Variants in PTPRD observed in about 807,000 individuals in gnomAD.
The protein encoded by PTPRD is protein tyrosine phosphatase receptor type D.
PTPRD carries 34 observed loss-of-function variants against 214.5 expected under a neutral mutation model. The ratio of observed to expected loss-of-function variants is 0.16; its 90% confidence interval spans 0.12 to 0.21. PTPRD has a LOEUF of 0.21. Among genes scored for constraint, PTPRD ranks in the 10% least tolerant of loss-of-function variants. The pLI, the probability that PTPRD is intolerant of heterozygous loss-of-function variation, is 1.00. For missense variants in PTPRD, 2,545 were observed against 2,398.7 expected, an observed-to-expected ratio of 1.06 and a Z score of -1.27; for synonymous variants, 1,128 against 845.7, an observed-to-expected ratio of 1.33 and a Z score of -5.79.
At chr9:9,518,367 T>C (rs866498876) in intron 8 of PTPRD, among the ~76,000 whole-genome samples, 1 of 152,034 alleles carries the variant, frequency 6.6e-6, no homozygotes, top group Non-Finnish European at 1.5e-5. Flanking sequence ...CTAGTGAAAA[T>C]ATAGTAGCAT....
At chr9:10,018,704 C>G (rs559389771) in intron 4 of PTPRD, among the ~76,000 whole-genome samples, 2 of 149,944 alleles carry the variant, frequency 1.3e-5, no homozygotes, top group Non-Finnish European at 3.0e-5. Context: ...CCCGCCACTA[C>G]GCCCGGCTAA....
chr9:8,486,546 T>C, intron 27 of PTPRD, 197 bp from the exon 28 acceptor site: 1 of 703,206 alleles, frequency 1.4e-6, no homozygotes, highest in Non-Finnish European at 2.6e-6. Context: ...TAGGCTGAGA[T>C]ACTAGAATTT....
chr9:9,843,436 T>C (rs1375627022), intron 5 of PTPRD, among the ~76,000 whole-genome samples: 1 of 152,012 alleles, frequency 6.6e-6, no homozygotes, highest in East Asian at 1.9e-4. Context: ...GTTAATGACC[T>C]TGGCCAAGTT....
At chr9:10,293,078 C>G (rs2095574792) in intron 3 of PTPRD, among the ~76,000 whole-genome samples, 1 of 151,840 alleles carries the variant, frequency 6.6e-6, no homozygotes, top group Non-Finnish European at 1.5e-5. Context: ...TTATTGATGT[C>G]ACTTTAAATA....
At chr9:9,441,925 C>T (rs1229136174) in intron 8 of PTPRD, 1 of 152,212 alleles carries the variant, frequency 6.6e-6, no homozygotes, top group African/African-American at 2.4e-5. Context: ...TTCTCCTTTG[C>T]TTGGGATTCT....
intron 3 of PTPRD, among the ~76,000 whole-genome samples, chr9:10,204,470 G>A (rs1445465192): frequency 6.6e-6 from 1 of 152,102 alleles, no homozygotes. Flanking sequence ...TGTTTCCAGT[G>A]AATGGAATTT....
chr9:9,589,367 G>T (rs1417010515), intron 7 of PTPRD, among the ~76,000 whole-genome samples: 1 of 151,368 alleles, frequency 6.6e-6, no homozygotes, highest in African/African-American at 2.4e-5. Flanking sequence ...CCTTTTAAAA[G>T]GTTCTTGTTA....
At chr9:9,016,231 G>C (rs1210021751) in intron 11 of PTPRD, among the ~76,000 whole-genome samples, 1 of 152,084 alleles carries the variant, frequency 6.6e-6, no homozygotes, top group East Asian at 1.9e-4. Context: ...CTCCACACCA[G>C]TGTGGATAAA....
intron 11 of PTPRD, among the ~76,000 whole-genome samples, chr9:8,807,867 T>G (rs1034758492): frequency 5.3e-5 from 8 of 152,176 alleles, no homozygotes; most frequent in Non-Finnish European, 1.2e-4. Context: ...AACAGTGGTA[T>G]GTATGGCGAG....
At chr9:8,544,797 G>A (rs1014251789) in intron 14 of PTPRD, among the ~76,000 whole-genome samples, 7 of 151,542 alleles carry the variant, frequency 4.6e-5, no homozygotes, top group South Asian at 2.1e-4. Context: ...GTAAAACAGC[G>A]GTTGCTTTTG....
chr9:9,500,005 G>T (rs564141827), intron 8 of PTPRD, among the ~76,000 whole-genome samples: 38 of 152,188 alleles, frequency 2.5e-4, no homozygotes, highest in Non-Finnish European at 4.9e-4. Flanking sequence ...GCTGCCCCTT[G>T]AATATTAATT....
intron 3 of PTPRD, among the ~76,000 whole-genome samples, chr9:10,149,992 G>C (rs1226846101): frequency 6.6e-6 from 1 of 151,976 alleles, no homozygotes; most frequent in East Asian, 1.9e-4. Flanking sequence ...GCCTCCCAAA[G>C]TGCTGGGATT....
intron 2 of PTPRD, among the ~76,000 whole-genome samples, chr9:10,530,690 G>A (rs768398116): frequency 1.3e-5 from 2 of 152,014 alleles, no homozygotes; most frequent in Non-Finnish European, 2.9e-5. Context: ...CAGATTAAAA[G>A]AACTCTCACA....
chr9:10,124,070 G>C (rs1331059390), intron 3 of PTPRD, among the ~76,000 whole-genome samples: 1 of 152,144 alleles, frequency 6.6e-6, no homozygotes, highest in Non-Finnish European at 1.5e-5. Flanking sequence ...ATGCACCCAA[G>C]CTGCATTTAG....
intron 8 of PTPRD, among the ~76,000 whole-genome samples, chr9:9,564,087 G>T (rs1341901702): frequency 6.6e-6 from 1 of 152,108 alleles, no homozygotes; most frequent in Non-Finnish European, 1.5e-5. Flanking sequence ...CATTAGAATA[G>T]CATGCTCATC....
rs558533057 is a variant in PTPRD, at chr9:8,328,783, C to T, written c.5534+2799G>A. Among the ~76,000 whole-genome samples the T allele has an allele frequency of 1.4e-4, 22 of 152,164 alleles. No homozygotes were observed. In the East Asian group the frequency reaches 4.1e-3, roughly 28 times the overall value. On this transcript the variant is annotated intron_variant, in intron 44 of 45. Coordinates refer to ENST00000381196, the MANE Select transcript of PTPRD (RefSeq NM_002839.4). ...TGCTTTATTTCATTGAGTTGATCTTCAATCTCGGACATCCGTTCTTCCACT... is the reference window on the plus strand; with the variant it reads ...TGCTTTATTTCATTGAGTTGATCTTTAATCTCGGACATCCGTTCTTCCACT...
intron 12 of PTPRD, among the ~76,000 whole-genome samples, chr9:8,640,672 G>C (rs1457680302): frequency 1.5e-5 from 2 of 132,964 alleles, no homozygotes; most frequent in Non-Finnish European, 3.2e-5. Context: ...CTTTTACAGA[G>C]AAATTCTGTA....
At chr9:8,603,422 C>T (rs965731811) in intron 14 of PTPRD, among the ~76,000 whole-genome samples, 2 of 152,134 alleles carry the variant, frequency 1.3e-5, no homozygotes, top group African/African-American at 2.4e-5. Flanking sequence ...ACAGCTTTCT[C>T]CAGTCAGTGG....
intron 2 of PTPRD, among the ~76,000 whole-genome samples, chr9:10,346,896 CTAAT>C (rs1400540917): frequency 6.6e-6 from 1 of 152,102 alleles, no homozygotes; most frequent in Non-Finnish European, 1.5e-5. Flanking sequence ...ATCCATCTGT[CTAAT>C]TATCAATTTG....
Sources: allele counts gnomAD v4.1 joint callset (sites outside exome capture counted in the v4.1 genomes callset), GRCh38; gene constraint gnomAD v4.1.1; transcripts MANE v1.5; gene names NCBI Gene and HGNC (gene_info 2026-07-23, HGNC 2026-07-21).